The following PLD2 variants were observed in gnomAD, a reference collection of about 807,000 sequenced individuals.
PLD2 encodes the protein choline phosphatase 2.
Under a neutral mutation model 119.8 loss-of-function variants are expected in PLD2, and 101 were observed. That is an observed-to-expected ratio of 0.84 (90% CI 0.72 to 0.99). The LOEUF (loss-of-function observed/expected upper bound fraction) is 0.99. Among genes scored for constraint, PLD2 ranks in the 50% least tolerant of loss-of-function variants. PLD2 has a pLI of 0.00. For synonymous variants in PLD2, 494 were observed against 482.8 expected (o/e 1.02, Z -0.30); for missense variants, 1,164 against 1,226.8 (o/e 0.95, Z 0.76).
Position 4,817,259 on chromosome 17 carries a change from G to A in PLD2, c.1815G>A (p.Gln605=), listed in dbSNP as rs749169805. The A allele has an allele frequency of 6.3e-7, 1 of 1,591,774 alleles. No individual in the cohort carries two copies. Among genetic ancestry groups the A allele is most frequent in the South Asian group, 1.1e-5 (1 of 90,694 alleles). ...TLPGGQCTTV[Q]VLRSVDRWSA... is the part of the protein sequence containing the mutation. ...CAGGAGGGCAGTGCACCACCGTACA[G>A]GTGAGGCCCCCCACTTCAGCCAGCC... Residue 605 remains glutamine, a splice_region_variant and synonymous_variant, in exon 17 of 25, where the codon CAG becomes CAA. Coordinates refer to ENST00000263088, the MANE Select transcript of PLD2 (RefSeq NM_002663.5).
In PLD2 at chr17:4,813,634, T is replaced by C. The variant is rs74927018; in HGVS notation, c.1011-784T>C. ...CAGCACTTTGGGAGGCCGAGGCGGG[T>C]AGATCATTGGGGTCAGGAGTTCAAG... On this transcript the variant is annotated intron_variant, in intron 10 of 24. Coordinates refer to ENST00000263088, the MANE Select transcript of PLD2 (RefSeq NM_002663.5). Among the ~76,000 whole-genome samples the C allele has an allele frequency of 5.0e-3, 762 of 151,898 alleles. 27 individuals are homozygous for C. Among genetic ancestry groups the C allele is most frequent in the Admixed American group, 0.039 (596 of 15,238 alleles).
chr17:4,822,898 C>A lies in PLD2; in HGVS notation c.*34C>A. ...CCCGTCAGGGAGAGGTCACCAGCTGCTGTGCCCCACCACGTCTGGCTCCCT... is the reference window on the plus strand; with the variant it reads ...CCCGTCAGGGAGAGGTCACCAGCTGATGTGCCCCACCACGTCTGGCTCCCT... On this transcript the variant is annotated 3_prime_UTR_variant, in exon 25 of 25. Transcript: ENST00000263088. 2.5e-6 allele frequency: 3 copies of A among 1,219,704 alleles called. No homozygotes were observed. The highest frequency in any genetic ancestry group is 3.6e-6 in the Non-Finnish European group (3 of 834,450). The allele number at this position is 1,219,704 out of a possible 1,614,324, so 75.6% of individuals were successfully genotyped here.
At chr17:4,817,323 T>C in intron 17 of PLD2, 64 bp downstream of exon 17, 2 of 1,044,160 alleles carry the variant, frequency 1.9e-6, no homozygotes, top group Non-Finnish European at 3.0e-6. Flanking sequence ...CCCAACCCAC[T>C]CTCCCTGGTG....
At chr17:4,809,268 GTCTC>G (rs59096986) in intron 5 of PLD2, 26 bp from the exon 6 acceptor site, 25 of 1,559,742 alleles carry the variant, frequency 1.6e-5, no homozygotes, top group African/African-American at 2.7e-5. Context: ...GGTCCCATCT[GTCTC>G]TCTCTCTCTC....
At position 4,809,818 on chromosome 17, in the gene PLD2, G is replaced by A. The variant is rs768804591; in HGVS notation, c.707+35G>A. On this transcript the variant is annotated intron_variant, in intron 8 of 24. Transcript: ENST00000263088. ...ATGGCCAAGCAGCTGGGCAGTGGGTGGGGGTGAGGAAGAAAATTTTGAGGG... is the reference window on the plus strand; with the variant it reads ...ATGGCCAAGCAGCTGGGCAGTGGGTAGGGGTGAGGAAGAAAATTTTGAGGG... The A allele has an allele frequency of 3.7e-6, 6 of 1,613,816 alleles. No individual in the cohort carries two copies. The African/African-American group carries it at 6.7e-5, about 18-fold the overall frequency.
At chr17:4,818,897 G>T (rs534431806) in intron 21 of PLD2, 74 bp downstream of exon 21, 5 of 1,535,414 alleles carry the variant, frequency 3.3e-6, no homozygotes, top group Non-Finnish European at 4.5e-6. Flanking sequence ...AGGCCTGGGG[G>T]TGGGGGAAGG....
chr17:4,809,231 G>A, intron 5 of PLD2, 26 bp downstream of exon 5: 2 of 1,611,600 alleles, frequency 1.2e-6, no homozygotes, highest in Non-Finnish European at 1.7e-6. Flanking sequence ...AGGTCCTCCG[G>A]GAAGGCATTG....
chr17:4,821,567 T>C, intron 23 of PLD2: 1 of 356,664 alleles, frequency 2.8e-6, no homozygotes, highest in Non-Finnish European at 5.2e-6. Flanking sequence ...CTAATTTTTG[T>C]ATTTTTTTGT....
rs866761388 is a variant in PLD2 at position 4,807,557 on chromosome 17, G to A, written c.-1-215G>A. On this transcript the variant is annotated intron_variant, in intron 1 of 24. Coordinates refer to ENST00000263088, the MANE Select transcript of PLD2 (RefSeq NM_002663.5). The surrounding 1 kb of genome is among the most constrained non-coding windows in gnomAD (Gnocchi z 5.4). ...TACGGGACGGGGCGGGGGGCGGGGG[G>A]CGGGACTGGGATTGTGGATGAAGGA... 8.1e-5 allele frequency: 35 copies of A among 430,660 alleles called. No individual in the cohort carries two copies. The highest frequency in any genetic ancestry group is 1.3e-3 in the Middle Eastern group (2 of 1,516). 26.7% of individuals were successfully genotyped at this position (430,660 alleles called of 1,614,324 possible).
intron 23 of PLD2, among the ~76,000 whole-genome samples, chr17:4,820,305 T>C (rs968629399): frequency 6.6e-6 from 1 of 151,162 alleles, no homozygotes; most frequent in Non-Finnish European, 1.5e-5. Flanking sequence ...TTCACTCTTG[T>C]CGCCCAGGCT....
Position 4,821,900 on chromosome 17 carries a change from A to G in PLD2, c.2570A>G (p.Tyr857Cys), listed in dbSNP as rs1330455316. The G allele has an allele frequency of 1.2e-6, 2 of 1,609,490 alleles. No homozygotes were observed. Among genetic ancestry groups the G allele is most frequent in the Non-Finnish European group, 1.7e-6 (2 of 1,176,210 alleles). ...QDMAESNANI[Y>C]EQIFRCLPSN... ...ATGGCTGAGAGCAACGCCAATATCTATGAGCAGGTGGGAACTTGGGAGGGG... is the reference window on the plus strand; with the variant it reads ...ATGGCTGAGAGCAACGCCAATATCTGTGAGCAGGTGGGAACTTGGGAGGGG... Residue 857 changes from tyrosine (Y) to cysteine (C), a missense_variant, in exon 24 of 25, where the codon TAT (tyrosine) becomes TGT (cysteine). Physicochemically the swap from Tyr to Cys is radical, Grantham distance 194. Coordinates refer to ENST00000263088, the MANE Select transcript of PLD2 (RefSeq NM_002663.5).
chr17:4,815,817 G>A lies in PLD2; in HGVS notation c.1338G>A (p.Leu446=), dbSNP rs1475409858. 3.1e-6 allele frequency: 5 copies of A among 1,614,078 alleles called. No individual in the cohort carries two copies. ...TGTGGGCCCATCATGAGAAGCTCCT[G>A]GTGGTGGACCAAGTGGTAGCATTCC... ...VTLWAHHEKL[L]VVDQVVAFLG... is the part of the protein sequence containing the mutation. The change falls in exon 14 of 25, where the codon CTG becomes CTA. Residue 446 remains leucine (L), a synonymous_variant. Coordinates refer to ENST00000263088, the MANE Select transcript of PLD2 (RefSeq NM_002663.5).
chr17:4,815,896 A>T lies in PLD2; in HGVS notation c.1417A>T (p.Thr473Ser). The T allele has an allele frequency of 6.2e-7, 1 of 1,613,992 alleles. No individual in the cohort carries two copies. The highest frequency in any genetic ancestry group is 1.3e-5 in the African/African-American group (1 of 74,998). Residue 473 changes from threonine (T) to serine (S), a missense_variant, in exon 14 of 25, where the codon ACT (threonine) becomes TCT (serine). Transcript: ENST00000263088. ...CTGGGATGACCTGCACTACCGACTG[A>T]CTGACCTTGGAGACTCCTCTGAATC... Reference protein sequence around the residue: ...GRWDDLHYRLTDLGDSSESAA... With the variant: ...GRWDDLHYRLSDLGDSSESAA...
Position 4,818,511 on chromosome 17 carries a change from GAGTCT to G in PLD2, c.2029_2033del (p.Val677ArgfsTer12). 6.2e-7 allele frequency: 1 copy of G among 1,613,726 alleles called. No individual in the cohort carries two copies. Among genetic ancestry groups the G allele is most frequent in the Non-Finnish European group, 8.5e-7 (1 of 1,179,716 alleles). The stretch of plus-strand genomic sequence containing the variant: ...CTCCCCAGACAGGGGTGGTGTTACC[GAGTCT>G]ACGTGCTTTTGCCCTTACTCCCTGG... On this transcript the variant is annotated frameshift_variant, in exon 20 of 25. Transcript: ENST00000263088. LOFTEE classifies it high-confidence loss of function.
rs371494225 is a variant in PLD2, at chr17:4,817,107, T to C, written c.1702-39T>C. On this transcript the variant is annotated intron_variant, in intron 16 of 24. Coordinates refer to ENST00000263088, the MANE Select transcript of PLD2 (RefSeq NM_002663.5). ...GAGGTAGGGAGGGAGCCAGGGCAGATTGGCACCTCCTGCTGACTCTGCCAT... is the reference window on the plus strand; with the variant it reads ...GAGGTAGGGAGGGAGCCAGGGCAGACTGGCACCTCCTGCTGACTCTGCCAT... The C allele has an allele frequency of 5.0e-6, 8 of 1,600,694 alleles. No homozygotes were observed. The African/African-American group carries it at 9.4e-5, about 19-fold the overall frequency.
At position 4,815,775 on chromosome 17, in the gene PLD2, C is replaced by A. The variant is rs767715673; in HGVS notation, c.1296C>A (p.His432Gln). ...CATGCCTGCTCCAGGTGATGCGTCA[C>A]CCAGACCAAGTGACGTTGTGGGCCC... is the stretch of plus-strand genomic sequence containing the variant. ...LLHPNIKVMRHPDQVTLWAHH... is the reference protein window; with the variant it reads ...LLHPNIKVMRQPDQVTLWAHH... Residue 432 changes from histidine to glutamine, a missense_variant, in exon 14 of 25, where the codon CAC becomes CAA. Physicochemically the swap from His to Gln is conservative, Grantham distance 24. Transcript: ENST00000263088. 1 of 1,614,034 alleles carries A rather than the reference C, an allele frequency of 6.2e-7. No individual in the cohort carries two copies. The highest frequency in any genetic ancestry group is 8.5e-7 in the Non-Finnish European group (1 of 1,179,954).
chr17:4,822,316 CTG>C (rs1013127220), intron 24 of PLD2, among the ~76,000 whole-genome samples: 5 of 151,540 alleles, frequency 3.3e-5, no homozygotes, highest in Non-Finnish European at 7.4e-5. Context: ...GAGCAAAACT[CTG>C]TCTCAAAAAA....
rs145989174 is a variant in PLD2, at chr17:4,809,544, A to C, written c.607A>C (p.Lys203Gln). The C allele has an allele frequency of 3.1e-6, 5 of 1,606,558 alleles. No homozygotes were observed. The African/African-American group carries it at 6.7e-5, about 22-fold the overall frequency. ...QLSFIPDLGR[K>Q]GLEGMIRKRS... is the part of the protein sequence containing the mutation. ...GTCCTTTATCCCGGACTTGGGCCGC[A>C]AAGGACTGTGAGTGTCTGGCCCCCT... The change falls in exon 7 of 25, where the codon AAA becomes CAA. Residue 203 changes from lysine to glutamine, a missense_variant. By Grantham distance (53) the Lys-to-Gln change is moderately conservative (BLOSUM62 1). Coordinates refer to ENST00000263088, the MANE Select transcript of PLD2 (RefSeq NM_002663.5).
Position 4,808,105 on chromosome 17 carries a change from C to A in PLD2, c.231C>A (p.Ser77Arg). ...TGGTGGGCACCGAAAGATATACCAG[C>A]GGATCCAAGGTGGCCAGACTGGCCC... ...AQVVGTERYT[S>R]GSKVGTCTLY... is the part of the protein sequence containing the mutation. The change falls in exon 3 of 25, where the codon AGC becomes AGA. Residue 77 changes from serine (S) to arginine (R), a missense_variant. Transcript: ENST00000263088. The surrounding 1 kb of genome is among the most constrained non-coding windows in gnomAD (Gnocchi z 4.1). 1 of 1,609,416 alleles carries A rather than the reference C, an allele frequency of 6.2e-7. No individual in the cohort carries two copies. Among genetic ancestry groups the A allele is most frequent in the Non-Finnish European group, 8.5e-7 (1 of 1,176,330 alleles).
Sources: allele counts gnomAD v4.1 joint callset (sites outside exome capture counted in the v4.1 genomes callset), GRCh38; gene constraint gnomAD v4.1.1; non-coding constraint Gnocchi (gnomAD v3.1); transcripts MANE v1.5; gene names NCBI Gene and HGNC (gene_info 2026-07-23, HGNC 2026-07-21).